ADGRV1: variants seen among roughly 807,000 people sequenced by gnomAD.
The protein encoded by ADGRV1 is adhesion G protein-coupled receptor V1.
In ADGRV1, 359 loss-of-function variants were observed where a neutral mutation model predicts 596.2. The ratio of observed to expected loss-of-function variants is 0.60; its 90% confidence interval spans 0.55 to 0.66. The LOEUF is 0.66. Ranked by LOEUF, ADGRV1 falls within the 30% of genes least tolerant of loss-of-function variation. ADGRV1 has a pLI of 0.00. For synonymous variants in ADGRV1, 2,681 were observed against 2,679.2 expected (o/e 1.00, Z -0.02); for missense variants, 7,274 against 7,575.6 (o/e 0.96, Z 1.48).
intron 1 of ADGRV1, among the ~76,000 whole-genome samples, chr5:90,574,245 G>A (rs1756921703): frequency 6.6e-6 from 1 of 151,636 alleles, no homozygotes; most frequent in African/African-American, 2.4e-5. Context: ...AAATTGCTTT[G>A]GTCAGTATGG....
chr5:90,905,099 G>T (rs1204012565), intron 83 of ADGRV1, among the ~76,000 whole-genome samples: 1 of 151,948 alleles, frequency 6.6e-6, no homozygotes, highest in Non-Finnish European at 1.5e-5. Context: ...TGGTCTATGT[G>T]TCTCAGTTTA....
At chr5:90,938,453 T>G (rs571873011) in intron 83 of ADGRV1, among the ~76,000 whole-genome samples, 1 of 152,340 alleles carries the variant, frequency 6.6e-6, no homozygotes, top group East Asian at 1.9e-4. Flanking sequence ...AGGGAAAAGA[T>G]AACAGTGAGA....
intron 87 of ADGRV1, among the ~76,000 whole-genome samples, chr5:91,124,039 G>A (rs897094949): frequency 5.3e-5 from 8 of 152,180 alleles, no homozygotes; most frequent in African/African-American, 1.7e-4. Context: ...GCCTTGAAAC[G>A]TTTGAGAAGG....
chr5:90,622,464 A>G (rs563261422), intron 4 of ADGRV1, 133 bp from the exon 5 acceptor site: 34 of 414,430 alleles, frequency 8.2e-5, no homozygotes, highest in Admixed American at 4.4e-5. Context: ...GATGCTAGGA[A>G]ATATCACATT....
intron 83 of ADGRV1, among the ~76,000 whole-genome samples, chr5:90,874,227 A>G (rs1768993939): frequency 6.6e-6 from 1 of 151,988 alleles, no homozygotes; most frequent in Non-Finnish European, 1.5e-5. Context: ...TTCTTGTCCT[A>G]CATCCTGTGT....
intron 85 of ADGRV1, among the ~76,000 whole-genome samples, chr5:91,008,238 G>A (rs1291043558): frequency 1.3e-5 from 2 of 152,078 alleles, no homozygotes; most frequent in Non-Finnish European, 2.9e-5. Flanking sequence ...TCCGTGGTCA[G>A]GAGACAACTG....
chr5:90,820,843 T>G (rs987705207), intron 75 of ADGRV1, among the ~76,000 whole-genome samples: 1 of 152,126 alleles, frequency 6.6e-6, no homozygotes, highest in African/African-American at 2.4e-5. Context: ...CTGGCTGCCC[T>G]TAACATTTTT....
At chr5:91,159,289 G>T (rs369865682) in intron 89 of ADGRV1, among the ~76,000 whole-genome samples, 1 of 152,082 alleles carries the variant, frequency 6.6e-6, no homozygotes, top group African/African-American at 2.4e-5. Flanking sequence ...TTGTCAGCAG[G>T]CTCCAAATTC....
At chr5:91,057,359 C>A (rs1386037038) in intron 85 of ADGRV1, among the ~76,000 whole-genome samples, 1 of 152,206 alleles carries the variant, frequency 6.6e-6, no homozygotes, top group African/African-American at 2.4e-5. Context: ...GCTGGCCCAG[C>A]TCCACAATTA....
intron 83 of ADGRV1, among the ~76,000 whole-genome samples, chr5:90,926,873 T>G (rs1332418010): frequency 2.2e-4 from 34 of 151,894 alleles, no homozygotes; most frequent in South Asian, 6.2e-4. Context: ...CTTTATTTCT[T>G]CCTTCATTTC....
intron 83 of ADGRV1, among the ~76,000 whole-genome samples, chr5:90,940,291 A>G (rs1226068899): frequency 1.3e-5 from 2 of 152,244 alleles, no homozygotes; most frequent in Non-Finnish European, 2.9e-5. Context: ...TGTTCAAACT[A>G]TTCCACAAAG....
At chr5:90,868,708 G>A (rs1013269097) in intron 83 of ADGRV1, among the ~76,000 whole-genome samples, 5 of 151,244 alleles carry the variant, frequency 3.3e-5, no homozygotes, top group Admixed American at 6.6e-5. Context: ...AGAGATTGGG[G>A]TATTTAACTG....
chr5:91,108,355 G>A (rs1163876606), intron 87 of ADGRV1, among the ~76,000 whole-genome samples: 2 of 151,980 alleles, frequency 1.3e-5, no homozygotes. Flanking sequence ...ATCAACACCT[G>A]TGACCATAAA....
At chr5:90,688,872 C>G (rs1746066273) in intron 29 of ADGRV1, among the ~76,000 whole-genome samples, 1 of 152,166 alleles carries the variant, frequency 6.6e-6, no homozygotes, top group African/African-American at 2.4e-5. Context: ...ACAGTCTTGT[C>G]TCTGGATCCC....
intron 84 of ADGRV1, among the ~76,000 whole-genome samples, chr5:90,966,306 G>A (rs1051654322): frequency 3.3e-5 from 5 of 151,896 alleles, no homozygotes; most frequent in Non-Finnish European, 2.9e-5. Flanking sequence ...CAAGGCAGGC[G>A]GATCACCTGA....
rs760159666 is a variant in ADGRV1 at position 90,625,185 on chromosome 5, T to C, written c.614T>C (p.Ile205Thr). 2 of 1,613,718 alleles carry C rather than the reference T, an allele frequency of 1.2e-6. No individual in the cohort carries two copies. Residue 205 changes from isoleucine to threonine, a missense_variant, in exon 6 of 90, where the codon ATC becomes ACC. Around this residue, in one of 5 missense-constraint regions of ADGRV1, gnomAD observed 1,715 missense variants for 1,708.8 expected, o/e 1.00. Coordinates refer to ENST00000405460, the MANE Select transcript of ADGRV1 (RefSeq NM_032119.4). ...DEDLSPVKGN[I>T]TFPPGRATVI... ...GATTTGAGTCCAGTTAAAGGAAATA[T>C]CACCTTTCCCCCTGGCAGAGCAACA... is the stretch of plus-strand genomic sequence containing the variant.
At chr5:90,612,495 G>A (rs1762835253) in intron 1 of ADGRV1, among the ~76,000 whole-genome samples, 1 of 151,974 alleles carries the variant, frequency 6.6e-6, no homozygotes, top group Admixed American at 6.6e-5. Flanking sequence ...AGCCTCCAAA[G>A]CCTACATAGC....
chr5:90,643,685 C>T, intron 13 of ADGRV1, 118 bp from the exon 14 acceptor site: 2 of 685,716 alleles, frequency 2.9e-6, no homozygotes, highest in Non-Finnish European at 4.6e-6. Flanking sequence ...TTTGTCCTTT[C>T]AGTGAGTTAT....
At chr5:91,045,966 T>C (rs1785770727) in intron 85 of ADGRV1, among the ~76,000 whole-genome samples, 1 of 151,704 alleles carries the variant, frequency 6.6e-6, no homozygotes, top group Non-Finnish European at 1.5e-5. Context: ...ACTAAGGAGG[T>C]GAAAGACCTC....
Sources: gnomAD v4.1 joint callset for allele counts (sites outside exome capture counted in the v4.1 genomes callset) on GRCh38, gnomAD v4.1.1 for gene constraint, gnomAD v4.1.1 regional missense constraint, MANE v1.5 for transcripts, NCBI Gene and HGNC (gene_info 2026-07-23, HGNC 2026-07-21) for gene names.